Variants in CHL1 observed in about 807,000 individuals in gnomAD.
CHL1 encodes cell adhesion molecule L1 like, also known as neural cell adhesion molecule L1-like protein.
A neutral mutation model predicts 141.9 loss-of-function variants in CHL1; 96 were observed. That is an observed-to-expected ratio of 0.68 (90% CI 0.57 to 0.80). The LOEUF is 0.80. CHL1 is among the 30% of genes least tolerant of loss of function. The pLI, the probability that CHL1 is intolerant of heterozygous loss-of-function variation, is 0.00. For synonymous variants in CHL1, 613 were observed against 502.2 expected (o/e 1.22, Z -2.95); for missense variants, 1,820 against 1,457.2 (o/e 1.25, Z -4.05).
chr3:305,266 C>A (rs190963802), intron 2 of CHL1, among the ~76,000 whole-genome samples: 1 of 152,174 alleles, frequency 6.6e-6, no homozygotes, highest in East Asian at 1.9e-4. Context: ...GTCTTTGTCA[C>A]CTGCTAGTCA....
intron 10 of CHL1, 126 bp downstream of exon 10, chr3:349,669 G>A (rs1195610249): frequency 1.4e-5 from 11 of 780,962 alleles, no homozygotes; most frequent in African/African-American, 3.5e-5. Context: ...ATTGTAGTGC[G>A]GGCATTGAAT....
chr3:285,595 A>G (rs1484296952), intron 2 of CHL1, among the ~76,000 whole-genome samples: 2 of 152,106 alleles, frequency 1.3e-5, no homozygotes, highest in Non-Finnish European at 2.9e-5. Flanking sequence ...CCAGCTGTGT[A>G]CTCTCAGGCA....
At chr3:312,294 A>G (rs1165405485) in intron 2 of CHL1, among the ~76,000 whole-genome samples, 2 of 152,194 alleles carry the variant, frequency 1.3e-5, no homozygotes, top group Non-Finnish European at 1.5e-5. Context: ...TGATGAGTTA[A>G]CACTCTAAGC....
intron 25 of CHL1, 29 bp from the exon 26 acceptor site, chr3:398,988 C>T (rs1229971528): frequency 5.0e-6 from 8 of 1,605,414 alleles, no homozygotes; most frequent in Admixed American, 1.7e-5. Flanking sequence ...TTCTAGTTTA[C>T]AATGCTGTGA....
intron 15 of CHL1, among the ~76,000 whole-genome samples, 164 bp from the exon 16 acceptor site, chr3:377,654 C>T (rs1245430040): frequency 6.6e-6 from 1 of 152,134 alleles, no homozygotes; most frequent in Non-Finnish European, 1.5e-5. Context: ...AATTCTTTAT[C>T]TCCAGGTTTC....
intron 2 of CHL1, among the ~76,000 whole-genome samples, chr3:281,711 C>G (rs1331516921): frequency 6.6e-6 from 1 of 152,072 alleles, no homozygotes. Flanking sequence ...AGGCACATGC[C>G]ACCATGACTG....
At chr3:320,553 G>A (rs895148400) in intron 3 of CHL1, among the ~76,000 whole-genome samples, 1 of 151,968 alleles carries the variant, frequency 6.6e-6, no homozygotes, top group African/African-American at 2.4e-5. Context: ...AGGACATGGT[G>A]ACACATGACT....
intron 27 of CHL1, among the ~76,000 whole-genome samples, chr3:403,434 A>G (rs187034181): frequency 3.9e-5 from 6 of 152,208 alleles, no homozygotes; most frequent in African/African-American, 1.4e-4. Context: ...ACCTGCAACA[A>G]CTTTTCAAAA....
At chr3:261,858 A>G (rs190740048) in intron 2 of CHL1, among the ~76,000 whole-genome samples, 67 of 152,212 alleles carry the variant, frequency 4.4e-4, no homozygotes, top group African/African-American at 1.4e-3. Context: ...TGAACAATAT[A>G]TGTTCTTAAT....
chr3:278,847 A>G (rs774339116), intron 2 of CHL1, among the ~76,000 whole-genome samples: 1 of 152,220 alleles, frequency 6.6e-6, no homozygotes, highest in Non-Finnish European at 1.5e-5. Context: ...AACTCTGTCA[A>G]ACTTAGACAT....
intron 1 of CHL1, among the ~76,000 whole-genome samples, chr3:224,563 A>G (rs1035819388): frequency 2.6e-5 from 4 of 151,958 alleles, no homozygotes; most frequent in African/African-American, 9.7e-5. Context: ...TCCTTCCACC[A>G]TATGGTGTGC....
At chr3:299,739 G>C (rs1402339340) in intron 2 of CHL1, among the ~76,000 whole-genome samples, 1 of 152,086 alleles carries the variant, frequency 6.6e-6, no homozygotes, top group African/African-American at 2.4e-5. Flanking sequence ...CTTGCACATT[G>C]TTCTCACCTG....
At chr3:217,666 G>A (rs1015348890) in intron 1 of CHL1, 3 of 152,514 alleles carry the variant, frequency 2.0e-5, no homozygotes, top group African/African-American at 7.2e-5. Context: ...AGAACCTGCA[G>A]TGCAGTGAGT....
chr3:210,418 G>C (rs984676016), intron 1 of CHL1, among the ~76,000 whole-genome samples: 12 of 152,180 alleles, frequency 7.9e-5, no homozygotes, highest in Admixed American at 3.9e-4. Flanking sequence ...GGCTGGGGTG[G>C]GCTGGTGGCC....
At chr3:249,245 G>A (rs570778591) in intron 2 of CHL1, among the ~76,000 whole-genome samples, 7 of 152,120 alleles carry the variant, frequency 4.6e-5, no homozygotes, top group Non-Finnish European at 1.0e-4. Context: ...GATGAAGCAG[G>A]GCATTAAAAA....
chr3:337,176 C>A, intron 5 of CHL1, among the ~76,000 whole-genome samples: 1 of 142,534 alleles, frequency 7.0e-6, no homozygotes, highest in Non-Finnish European at 1.5e-5. Context: ...GATTTCCAAA[C>A]ATTCTTTTGT....
intron 1 of CHL1, among the ~76,000 whole-genome samples, chr3:222,411 T>C (rs976334881): frequency 2.0e-5 from 3 of 152,162 alleles, no homozygotes; most frequent in African/African-American, 7.2e-5. Flanking sequence ...GAAGAAAGCA[T>C]AAAATTTATT....
intron 1 of CHL1, among the ~76,000 whole-genome samples, chr3:217,047 G>A (rs1388808295): frequency 6.6e-6 from 1 of 152,114 alleles, no homozygotes; most frequent in Non-Finnish European, 1.5e-5. Flanking sequence ...TGCAGGGGAA[G>A]GAAATTTTCA....
rs1476439787 is a variant in CHL1 at position 406,798 on chromosome 3, G to C, written c.*1087G>C. On this transcript the variant is annotated 3_prime_UTR_variant, in exon 28 of 28. Transcript: ENST00000256509. ...ACTTTGTATAAAGTATTTGGGTTTTGTTCTTGTATTGCTTTCTTTCAACAG... is the reference window on the plus strand; with the variant it reads ...ACTTTGTATAAAGTATTTGGGTTTTCTTCTTGTATTGCTTTCTTTCAACAG... 2 of 152,116 alleles carry C rather than the reference G, an allele frequency of 1.3e-5. No individual in the cohort carries two copies. Among genetic ancestry groups the C allele is most frequent in the Non-Finnish European group, 2.9e-5 (2 of 67,958 alleles). The allele number at this position is 152,116 out of a possible 1,614,324, so 9.4% of individuals were successfully genotyped here.
Sources: allele counts gnomAD v4.1 joint callset (sites outside exome capture counted in the v4.1 genomes callset), GRCh38; gene constraint gnomAD v4.1.1; transcripts MANE v1.5; gene names NCBI Gene and HGNC (gene_info 2026-07-23, HGNC 2026-07-21).